Variants in AOAH observed in about 807,000 individuals in gnomAD.
The protein encoded by AOAH is acyloxyacyl hydrolase (neutrophil).
Under a neutral mutation model 92.2 loss-of-function variants are expected in AOAH, and 64 were observed. That is an observed-to-expected ratio of 0.69 (90% CI 0.57 to 0.86). The LOEUF (loss-of-function observed/expected upper bound fraction) is 0.86, where lower values mean the gene tolerates loss of function less well. AOAH is among the 40% of genes least tolerant of loss of function. AOAH has a pLI of 0.00. For synonymous variants in AOAH, 263 were observed against 254.5 expected (o/e 1.03, Z -0.32); for missense variants, 656 against 694.6 (o/e 0.94, Z 0.62).
intron 1 of AOAH, among the ~76,000 whole-genome samples, chr7:36,703,049 T>A (rs1282165960): frequency 6.6e-6 from 1 of 152,198 alleles, no homozygotes; most frequent in Non-Finnish European, 1.5e-5. Context: ...ACATCTTTAT[T>A]TGCTTAGCCA....
At chr7:36,526,628 A>C (rs189067824) in intron 19 of AOAH, among the ~76,000 whole-genome samples, 2 of 152,340 alleles carry the variant, frequency 1.3e-5, no homozygotes, top group Admixed American at 1.3e-4. Flanking sequence ...ATCTGGATTA[A>C]GTTTCTTGAA....
intron 4 of AOAH, among the ~76,000 whole-genome samples, chr7:36,652,790 G>A (rs1794660448): frequency 6.6e-6 from 1 of 152,162 alleles, no homozygotes; most frequent in African/African-American, 2.4e-5. Context: ...CTTGAAAACT[G>A]CCAAGGTCAT....
chr7:36,524,540 G>A (rs540845375), intron 19 of AOAH, among the ~76,000 whole-genome samples: 1 of 151,770 alleles, frequency 6.6e-6, no homozygotes, highest in Non-Finnish European at 1.5e-5. Flanking sequence ...GCCAGGTGTG[G>A]TGGTGGGCAC....
Position 36,669,377 on chromosome 7 carries a change from CTT to C in AOAH, c.290+4564_290+4565del, listed in dbSNP as rs33911092. Among the ~76,000 whole-genome samples, 160 of 125,462 alleles carry C rather than the reference CTT, an allele frequency of 1.3e-3. No individual in the cohort carries two copies. The East Asian group carries it at 0.014, about 11-fold the overall frequency. The allele number at this position is 125,462 out of a possible 152,430, so 82.3% of individuals were successfully genotyped here. ...TAACAGAATTATATTCCCCCCCCAC[CTT>C]TTTTTTTTTTTTTTTTTAATTTAAA... On this transcript the variant is annotated intron_variant, in intron 3 of 20. Transcript: ENST00000617537.
At chr7:36,611,633 A>G (rs1295318840) in intron 11 of AOAH, among the ~76,000 whole-genome samples, 2 of 152,126 alleles carry the variant, frequency 1.3e-5, no homozygotes, top group East Asian at 3.9e-4. Flanking sequence ...TCCTGGAGAA[A>G]GTGTGGGCCC....
At chr7:36,570,069 A>G (rs1788033595) in intron 13 of AOAH, among the ~76,000 whole-genome samples, 1 of 152,216 alleles carries the variant, frequency 6.6e-6, no homozygotes. Context: ...ACAATACAGT[A>G]CTATCATCTC....
chr7:36,596,948 G>A (rs1238066064), intron 11 of AOAH, among the ~76,000 whole-genome samples: 1 of 152,124 alleles, frequency 6.6e-6, no homozygotes, highest in African/African-American at 2.4e-5. Context: ...GTGTTCAAAC[G>A]CAGCAGCAGT....
chr7:36,637,809 A>T, intron 5 of AOAH, 42 bp downstream of exon 5: 1 of 1,589,006 alleles, frequency 6.3e-7, no homozygotes, highest in South Asian at 1.1e-5. Context: ...GAGAGAGGAC[A>T]TGCCAAGGAA....
At chr7:36,559,741 A>AG (rs998331426) in intron 13 of AOAH, among the ~76,000 whole-genome samples, 3 of 152,094 alleles carry the variant, frequency 2.0e-5, no homozygotes, top group African/African-American at 7.2e-5. Context: ...CTCTTTAATT[A>AG]GGTCCCACTT....
intron 1 of AOAH, among the ~76,000 whole-genome samples, chr7:36,717,723 T>TA (rs1799312857): frequency 9.6e-6 from 1 of 104,140 alleles, no homozygotes; most frequent in Non-Finnish European, 1.9e-5. Context: ...CTTTTTCTCT[T>TA]CTTATTTTTT....
Position 36,614,632 on chromosome 7 carries a change from T to C in AOAH, c.846+1748A>G, listed in dbSNP as rs2001599. Among the ~76,000 whole-genome samples the C allele has an allele frequency of 0.46, 69,371 of 151,782 alleles. 15,994 individuals carry two copies. The highest frequency in any genetic ancestry group is 0.49 in the Non-Finnish European group (32,974 of 67,926). ...GCTGCACCCTCCAACAAAGTGGCAA[T>C]TAAATGGTGTCAATGGGGGAGGCCT... On this transcript the variant is annotated intron_variant, in intron 11 of 20. Transcript: ENST00000617537. This position sits in a 1 kb window ranked among gnomAD's most constrained non-coding sequence, Gnocchi z 4.2.
chr7:36,623,425 C>G (rs1366900768), intron 6 of AOAH, among the ~76,000 whole-genome samples, 175 bp from the exon 7 acceptor site: 1 of 152,160 alleles, frequency 6.6e-6, no homozygotes, highest in Non-Finnish European at 1.5e-5. Context: ...CAAAACTTTG[C>G]CAATCTCTGC....
chr7:36,650,291 C>T (rs1372967183), intron 4 of AOAH, among the ~76,000 whole-genome samples: 1 of 152,172 alleles, frequency 6.6e-6, no homozygotes, highest in African/African-American at 2.4e-5. Context: ...CTCTGTCTTT[C>T]TAAGAGGCCT....
chr7:36,621,571 C>T lies in AOAH; in HGVS notation c.653+139G>A, dbSNP rs572449014. 21 of 848,220 alleles carry T rather than the reference C, an allele frequency of 2.5e-5. No individual in the cohort carries two copies. The African/African-American group carries it at 3.4e-4, about 14-fold the overall frequency. The allele number at this position is 848,220 out of a possible 1,614,324, so 52.5% of individuals were successfully genotyped here. On this transcript the variant is annotated intron_variant, in intron 8 of 20. Transcript: ENST00000617537. ...ACGAATGAATGCCGTTCTTTTTTCA[C>T]TGAGCTTTACTTCAATCGGAACATG...
intron 1 of AOAH, among the ~76,000 whole-genome samples, chr7:36,723,720 T>C (rs1481171651): frequency 6.6e-6 from 1 of 152,068 alleles, no homozygotes; most frequent in African/African-American, 2.4e-5. Context: ...GCAGTAAAAA[T>C]TTCAGACTAA....
intron 10 of AOAH, 138 bp from the exon 11 acceptor site, chr7:36,616,612 G>A (rs1448566970): frequency 1.2e-5 from 8 of 679,884 alleles, no homozygotes; most frequent in East Asian, 2.7e-5. Context: ...ACCACTTTTC[G>A]CATGTTTGAG....
intron 20 of AOAH, among the ~76,000 whole-genome samples, chr7:36,517,980 C>T (rs954955642): frequency 1.3e-5 from 2 of 150,884 alleles, no homozygotes; most frequent in African/African-American, 4.9e-5. Context: ...CGCACACACA[C>T]ACACTGGATT....
chr7:36,690,010 AT>A (rs1368816933), intron 1 of AOAH: 2 of 309,870 alleles, frequency 6.5e-6, no homozygotes, highest in African/African-American at 4.5e-5. Context: ...CAACTCCATC[AT>A]TAGCATTTGT....
intron 16 of AOAH, 97 bp downstream of exon 16, chr7:36,540,222 C>A (rs1211776334): frequency 1.7e-6 from 2 of 1,179,956 alleles, no homozygotes; most frequent in African/African-American, 1.6e-5. Context: ...TCCATGATGG[C>A]ATTTTAGGCA....
Sources: allele counts gnomAD v4.1 joint callset (sites outside exome capture counted in the v4.1 genomes callset), GRCh38; gene constraint gnomAD v4.1.1; non-coding constraint Gnocchi (gnomAD v3.1); transcripts MANE v1.5; gene names NCBI Gene and HGNC (gene_info 2026-07-23, HGNC 2026-07-21).